Variants in TJP3 observed in about 807,000 individuals in gnomAD.
The protein encoded by TJP3 is tight junction protein 3.
Under a neutral mutation model 104.2 loss-of-function variants are expected in TJP3, and 85 were observed. That is an observed-to-expected ratio of 0.82 (90% CI 0.68 to 0.98). The LOEUF (loss-of-function observed/expected upper bound fraction) is 0.98, where lower values mean the gene tolerates loss of function less well. Ranked by LOEUF, TJP3 falls within the 50% of genes least tolerant of loss-of-function variation. TJP3 has a pLI of 0.00. For synonymous variants in TJP3, 550 were observed against 550.6 expected (o/e 1.00, Z 0.02); for missense variants, 1,367 against 1,322.8 (o/e 1.03, Z -0.52).
chr19:3,720,570 C>G (rs1006388769), intron 1 of TJP3, among the ~76,000 whole-genome samples: 16 of 151,998 alleles, frequency 1.1e-4, no homozygotes, highest in African/African-American at 2.4e-5. Context: ...TAGCTTTGCC[C>G]TTTTACCCTT....
In TJP3 at chr19:3,746,780, C is replaced by T; in HGVS notation, c.2226C>T (p.Thr742=). 1 of 1,608,712 alleles carries T rather than the reference C, an allele frequency of 6.2e-7. No homozygotes were observed. Among genetic ancestry groups the T allele is most frequent in the Non-Finnish European group, 8.5e-7 (1 of 1,177,510 alleles). The change falls in exon 18 of 21, where the codon ACC becomes ACT. Residue 742 remains threonine, a synonymous_variant. Transcript: ENST00000541714. The surrounding 1 kb of genome is among the most constrained non-coding windows in gnomAD (Gnocchi z 4.1). ...ACTGACGTCCCCTCCCTGCAGCCAC[C>T]ATCCCTCTGAATGGCACGAGTGACA... is the stretch of plus-strand genomic sequence containing the variant. ...RKHSSHLFTA[T]IPLNGTSDTW...
At position 3,734,427 on chromosome 19, in the gene TJP3, C is replaced by T. The variant is rs761080049; in HGVS notation, c.978C>T (p.Asp326=). The change falls in exon 8 of 21, where the codon GAC becomes GAT. Residue 326 remains aspartate, a synonymous_variant. Coordinates refer to ENST00000541714, the MANE Select transcript of TJP3 (RefSeq NM_001267560.2). The part of the protein sequence containing the change: ...AQRSPEASQT[D]SPVESPRLRR... ...GGAGCCCCGAGGCCAGCCAGACCGA[C>T]TCTCCCGTGTAAGTATCACCCATCG... 11 of 1,607,742 alleles carry T rather than the reference C, an allele frequency of 6.8e-6. No individual in the cohort carries two copies. The highest frequency in any genetic ancestry group is 9.3e-6 in the Non-Finnish European group (11 of 1,178,052).
intron 1 of TJP3, chr19:3,721,962 TG>T: frequency 6.7e-6 from 3 of 448,856 alleles, no homozygotes; most frequent in Non-Finnish European, 6.9e-6. Context: ...TGAGGTGGGG[TG>T]GGGGGAAAGC....
rs767292067 is a variant in TJP3, at chr19:3,746,785, C to T, written c.2231C>T (p.Pro744Leu). The change falls in exon 18 of 21, where the codon CCT (proline) becomes CTT (leucine). Residue 744 changes from proline to leucine, a missense_variant. Physicochemically the swap from Pro to Leu is moderately conservative, Grantham distance 98. Coordinates refer to ENST00000541714, the MANE Select transcript of TJP3 (RefSeq NM_001267560.2). The surrounding 1 kb of genome is among the most constrained non-coding windows in gnomAD (Gnocchi z 4.1). ...HSSHLFTATI[P>L]LNGTSDTWYQ... ...CGTCCCCTCCCTGCAGCCACCATCC[C>T]TCTGAATGGCACGAGTGACACCTGG... 3 of 1,609,552 alleles carry T rather than the reference C, an allele frequency of 1.9e-6. No individual in the cohort carries two copies. The highest frequency in any genetic ancestry group is 1.7e-6 in the Non-Finnish European group (2 of 1,177,978).
At chr19:3,716,797 A>ATTTTTTTT (rs1251840414) in intron 1 of TJP3, among the ~76,000 whole-genome samples, 2 of 67,882 alleles carry the variant, frequency 2.9e-5, no homozygotes, top group African/African-American at 9.4e-5. Flanking sequence ...ATATATATAT[A>ATTTTTTTT]TATATTTTTT....
Position 3,746,074 on chromosome 19 carries a change from C to T in TJP3, c.2003C>T (p.Ala668Val). The T allele has an allele frequency of 1.2e-6, 2 of 1,608,470 alleles. No homozygotes were observed. The highest frequency in any genetic ancestry group is 1.7e-6 in the Non-Finnish European group (2 of 1,177,250). ...IIKLDTVRVI[A>V]EKDKHALLDV... ...AAACTAGACACCGTGCGGGTGATTG[C>T]AGAAAAAGTAAGCCGGGTCCTGCTA... Residue 668 changes from alanine (A) to valine (V), a missense_variant, in exon 16 of 21, where the codon GCA becomes GTA. Transcript: ENST00000541714. The surrounding 1 kb of genome is among the most constrained non-coding windows in gnomAD (Gnocchi z 4.1).
At chr19:3,709,528 A>C (rs1384073144) in intron 1 of TJP3, among the ~76,000 whole-genome samples, 1 of 152,198 alleles carries the variant, frequency 6.6e-6, no homozygotes, top group Non-Finnish European at 1.5e-5. Context: ...ATTTGCTCCC[A>C]AATGGGAAGA....
At chr19:3,722,569 C>T (rs2036551707) in intron 1 of TJP3, among the ~76,000 whole-genome samples, 3 of 135,742 alleles carry the variant, frequency 2.2e-5, no homozygotes, top group African/African-American at 8.2e-5. Flanking sequence ...CTGGGGTGCG[C>T]CGTGGCGGGG....
chr19:3,724,662 G>A (rs552567425), intron 1 of TJP3, among the ~76,000 whole-genome samples: 105 of 152,262 alleles, frequency 6.9e-4, no homozygotes, highest in African/African-American at 2.5e-3. Flanking sequence ...TCAGCCTCTC[G>A]AGGAGCTGGG....
At position 3,750,126 on chromosome 19, in the gene TJP3, C is replaced by G. The variant is rs2145711390; in HGVS notation, c.2611-12C>G. ...GGGGAGTTTTGAAGCTCCTCTCTCCCTCTCCTCCAAGGTGGACAGCCGCCA... is the reference window on the plus strand; with the variant it reads ...GGGGAGTTTTGAAGCTCCTCTCTCCGTCTCCTCCAAGGTGGACAGCCGCCA... On this transcript the variant is annotated splice_polypyrimidine_tract_variant and intron_variant, in intron 19 of 20. Coordinates refer to ENST00000541714, the MANE Select transcript of TJP3 (RefSeq NM_001267560.2). 6.2e-7 allele frequency: 1 copy of G among 1,614,130 alleles called. No homozygotes were observed. Among genetic ancestry groups the G allele is most frequent in the Non-Finnish European group, 8.5e-7 (1 of 1,180,012 alleles).
intron 1 of TJP3, among the ~76,000 whole-genome samples, chr19:3,709,660 G>A (rs1184915057): frequency 6.6e-6 from 1 of 152,176 alleles, no homozygotes; most frequent in East Asian, 1.9e-4. Flanking sequence ...AGAGCGGCCC[G>A]GCATTTGGGG....
chr19:3,713,400 A>G (rs1182289437), intron 1 of TJP3, among the ~76,000 whole-genome samples: 2 of 152,216 alleles, frequency 1.3e-5, no homozygotes, highest in African/African-American at 4.8e-5. Flanking sequence ...TTATTCTGCA[A>G]AAGACCTGCC....
rs192340711 is a variant in TJP3 at position 3,730,466 on chromosome 19, G to C, written c.373G>C (p.Asp125His). 37 of 1,584,408 alleles carry C rather than the reference G, an allele frequency of 2.3e-5. No homozygotes were observed. The African/African-American group carries it at 4.6e-4, about 20-fold the overall frequency. ...DDGPQRVEEV[D>H]QGRGYDGDSS... ...TGGGCCCCAGCGGGTGGAGGAGGTG[G>C]ACCAGGGCCGGGGCTATGACGGCGA... Residue 125 changes from aspartate to histidine, a missense_variant, in exon 5 of 21, where the codon GAC becomes CAC. Coordinates refer to ENST00000541714, the MANE Select transcript of TJP3 (RefSeq NM_001267560.2). This position sits in a 1 kb window ranked among gnomAD's most constrained non-coding sequence, Gnocchi z 7.3.
In TJP3 at chr19:3,740,661, C is replaced by T. The variant is rs144286949; in HGVS notation, c.1741C>T (p.Arg581Cys). The change falls in exon 14 of 21, where the codon CGT (arginine) becomes TGT (cysteine). Residue 581 changes from arginine to cysteine, a missense_variant. Transcript: ENST00000541714. Reference protein sequence around the residue: ...RAEFWRLRGLRRGAKKTTQRS... With the variant: ...RAEFWRLRGLCRGAKKTTQRS... ...CGAGTTCTGGCGGCTGCGGGGTCTT[C>T]GTCGAGGAGCCAAGAAGACCACTCA... 15 of 1,606,904 alleles carry T rather than the reference C, an allele frequency of 9.3e-6. No homozygotes were observed. In the African/African-American group the frequency reaches 1.1e-4, roughly 11 times the overall value.
intron 6 of TJP3, 111 bp downstream of exon 6, chr19:3,732,149 C>G (rs1175336922): frequency 2.4e-6 from 2 of 822,862 alleles, no homozygotes; most frequent in Non-Finnish European, 3.7e-6. Flanking sequence ...AAGCATTTAC[C>G]TTCAGTGTTG....
chr19:3,741,191 C>T (rs1441776096), intron 14 of TJP3, among the ~76,000 whole-genome samples: 3 of 151,340 alleles, frequency 2.0e-5, no homozygotes, highest in Admixed American at 6.6e-5. Context: ...TTAGTAAAGA[C>T]GGGGTTTCAC....
At chr19:3,719,533 C>T (rs775562384) in intron 1 of TJP3, among the ~76,000 whole-genome samples, 1 of 151,534 alleles carries the variant, frequency 6.6e-6, no homozygotes, top group Non-Finnish European at 1.5e-5. Context: ...GCCAGGAGTT[C>T]GAGACCAGCC....
intron 1 of TJP3, among the ~76,000 whole-genome samples, chr19:3,715,958 T>C (rs1018988960): frequency 6.6e-6 from 1 of 150,808 alleles, no homozygotes; most frequent in African/African-American, 2.4e-5. Flanking sequence ...TTTGTATTTT[T>C]AGTAGAGATG....
intron 6 of TJP3, among the ~76,000 whole-genome samples, chr19:3,733,540 A>G (rs2036698837): frequency 6.6e-6 from 1 of 152,020 alleles, no homozygotes; most frequent in African/African-American, 2.4e-5. Context: ...CACCCCTCTT[A>G]GAACATTTTC....
Sources: gnomAD v4.1 joint callset for allele counts (sites outside exome capture counted in the v4.1 genomes callset) on GRCh38, gnomAD v4.1.1 for gene constraint, Gnocchi (gnomAD v3.1) non-coding constraint, MANE v1.5 for transcripts, NCBI Gene and HGNC (gene_info 2026-07-23, HGNC 2026-07-21) for gene names.